The following COL9A3 variants were observed in gnomAD, a reference collection of about 807,000 sequenced individuals.
The protein encoded by COL9A3 is collagen alpha-3(IX) chain.
COL9A3 carries 82 observed loss-of-function variants against 110.2 expected under a neutral mutation model. That is an observed-to-expected ratio of 0.74 (90% CI 0.62 to 0.89). The LOEUF (loss-of-function observed/expected upper bound fraction) is 0.89. Ranked by LOEUF, COL9A3 falls within the 40% of genes least tolerant of loss-of-function variation. The pLI is 0.00. For synonymous variants in COL9A3, 494 were observed against 403.8 expected (o/e 1.22, Z -2.68); for missense variants, 1,066 against 981.3 (o/e 1.09, Z -1.15).
At chr20:62,839,313 A>G (rs2063656985) in intron 31 of COL9A3, among the ~76,000 whole-genome samples, 1 of 152,156 alleles carries the variant, frequency 6.6e-6, no homozygotes, top group African/African-American at 2.4e-5. Context: ...TGTTTAAGCT[A>G]CTCAGTATCT....
At chr20:62,839,131 A>G (rs945004625) in intron 31 of COL9A3, among the ~76,000 whole-genome samples, 3 of 152,040 alleles carry the variant, frequency 2.0e-5, no homozygotes, top group Non-Finnish European at 2.9e-5. Context: ...AGGCTGAGAC[A>G]AGAGAATCGC....
In COL9A3 at chr20:62,834,652, AT is replaced by A. The variant is rs60708328; in HGVS notation, c.1369-1260del. On this transcript the variant is annotated intron_variant, in intron 26 of 31. Transcript: ENST00000649368. ...GTTTCATTTAGTGAATTCTTTTTTT[AT>A]TTTTTTTTGAGACGGAGTCTTGCTC... is the stretch of plus-strand genomic sequence containing the variant. Among the ~76,000 whole-genome samples the A allele has an allele frequency of 3.3e-5, 5 of 150,584 alleles. 1 individual carries two copies. Among genetic ancestry groups the A allele is most frequent in the Admixed American group, 3.3e-4 (5 of 15,112 alleles).
chr20:62,821,372 C>T (rs1225244250), intron 6 of COL9A3, 135 bp from the exon 7 acceptor site: 9 of 1,373,446 alleles, frequency 6.6e-6, no homozygotes, highest in Non-Finnish European at 9.2e-6. Context: ...GTCCTGGTGC[C>T]CTCTCTGGGC....
intron 2 of COL9A3, among the ~76,000 whole-genome samples, chr20:62,818,020 G>A (rs1219781771): frequency 1.3e-5 from 2 of 152,144 alleles, no homozygotes; most frequent in East Asian, 3.9e-4. Flanking sequence ...CATGGAGGGG[G>A]CTTAGGAGCC....
chr20:62,829,902 G>A lies in COL9A3; in HGVS notation c.1161+83G>A, dbSNP rs2063582721. The A allele has an allele frequency of 2.7e-6, 4 of 1,501,074 alleles. No individual in the cohort carries two copies. In the East Asian group the frequency reaches 9.9e-5, roughly 37 times the overall value. 93.0% of individuals were successfully genotyped at this position (1,501,074 alleles called of 1,614,324 possible). ...CCCCAGTTTCTGAGCAGGCCGGGGT[G>A]GCATTTGGTTGCCTTGATGGGCCAG... On this transcript the variant is annotated intron_variant, in intron 22 of 31. Coordinates refer to ENST00000649368, the MANE Select transcript of COL9A3 (RefSeq NM_001853.4).
intron 30 of COL9A3, among the ~76,000 whole-genome samples, chr20:62,837,932 C>A (rs761195164): frequency 6.6e-6 from 1 of 152,166 alleles, no homozygotes; most frequent in African/African-American, 2.4e-5. Context: ...GCCTGGTCAA[C>A]ATGGTGAAAC....
intron 10 of COL9A3, 113 bp from the exon 11 acceptor site, chr20:62,824,332 G>T: frequency 8.8e-7 from 1 of 1,136,522 alleles, no homozygotes; most frequent in Non-Finnish European, 1.3e-6. Context: ...TGGCCTCCCG[G>T]GGTCCCGTCA....
In COL9A3 at chr20:62,829,780, G is replaced by T. The variant is rs760957763; in HGVS notation, c.1122G>T (p.Met374Ile). The T allele has an allele frequency of 3.1e-6, 5 of 1,589,280 alleles. No individual in the cohort carries two copies. Among genetic ancestry groups the T allele is most frequent in the Non-Finnish European group, 4.3e-6 (5 of 1,168,384 alleles). The part of the protein sequence containing the change: ...GEPGVPGDAG[M>I]PGERGEAGHR... ...TTTCCCTGTAGGGAGATGCTGGCATGCCTGGGGAGCGCGGTGAGGCTGGCC... is the reference window on the plus strand; with the variant it reads ...TTTCCCTGTAGGGAGATGCTGGCATTCCTGGGGAGCGCGGTGAGGCTGGCC... Residue 374 changes from methionine (M) to isoleucine (I), a missense_variant, in exon 22 of 32, where the codon ATG (methionine) becomes ATT (isoleucine). Coordinates refer to ENST00000649368, the MANE Select transcript of COL9A3 (RefSeq NM_001853.4).
chr20:62,827,712 G>A (rs1056999833), intron 16 of COL9A3, among the ~76,000 whole-genome samples: 4 of 152,222 alleles, frequency 2.6e-5, no homozygotes, highest in Admixed American at 6.5e-5. Flanking sequence ...CCTGGCAGCC[G>A]GAGTGCAGGG....
In COL9A3 at chr20:62,835,078, C is replaced by T. The variant is rs755770871; in HGVS notation, c.1369-843C>T. ...ACCTAAGGCTTTGCTCTCAGCTACTCGCACGGTCGGGCTGTGTGAGGTGAC... is the reference window on the plus strand; with the variant it reads ...ACCTAAGGCTTTGCTCTCAGCTACTTGCACGGTCGGGCTGTGTGAGGTGAC... On this transcript the variant is annotated intron_variant, in intron 26 of 31. Transcript: ENST00000649368. 2.6e-5 allele frequency among the ~76,000 whole-genome samples: 4 copies of T among 152,262 alleles called. No individual in the cohort carries two copies. The South Asian group carries it at 6.2e-4, about 24-fold the overall frequency.
chr20:62,819,358 C>A, intron 4 of COL9A3, 65 bp downstream of exon 4: 1 of 1,466,664 alleles, frequency 6.8e-7, no homozygotes, highest in Non-Finnish European at 9.4e-7. Context: ...AGGAGTCCGG[C>A]CCTAATTGCT....
intron 20 of COL9A3, 26 bp downstream of exon 20, chr20:62,829,525 C>T (rs780079165): frequency 3.1e-6 from 5 of 1,602,694 alleles, no homozygotes; most frequent in African/African-American, 2.7e-5. Flanking sequence ...CGCTTTCTCT[C>T]TGGGAGGGGA....
At position 62,826,818 on chromosome 20, in the gene COL9A3, G is replaced by A; in HGVS notation, c.790G>A (p.Ala264Thr). Residue 264 changes from alanine to threonine, a missense_variant and splice_region_variant, in exon 15 of 32, where the codon GCG becomes ACG. Transcript: ENST00000649368. ...PPGIPGAPGK[A>T]GDRGERGPEG... ...TGGGATCCCAGGAGCGCCTGGGAAA[G>A]CGGTACGTGTGTCAGTGGACGGTGG... 1 of 1,612,806 alleles carries A rather than the reference G, an allele frequency of 6.2e-7. No individual in the cohort carries two copies. The highest frequency in any genetic ancestry group is 1.1e-5 in the South Asian group (1 of 91,082).
In COL9A3 at chr20:62,820,783, G is replaced by C. The variant is rs1018132908; in HGVS notation, c.310-398G>C. ...CAGCAGGGGCCAGACAGGGCCCAGAGGGTGTGGAGGGCAGACAGGGCCTGG... is the reference window on the plus strand; with the variant it reads ...CAGCAGGGGCCAGACAGGGCCCAGACGGTGTGGAGGGCAGACAGGGCCTGG... On this transcript the variant is annotated intron_variant, in intron 5 of 31. Coordinates refer to ENST00000649368, the MANE Select transcript of COL9A3 (RefSeq NM_001853.4). Among the ~76,000 whole-genome samples, 4 of 152,158 alleles carry C rather than the reference G, an allele frequency of 2.6e-5. No individual in the cohort carries two copies. In the South Asian group the frequency reaches 8.3e-4, roughly 31 times the overall value.
rs45492192 is a variant in COL9A3, at chr20:62,824,369, C to G, written c.520-76C>G. On this transcript the variant is annotated intron_variant, in intron 10 of 31. Coordinates refer to ENST00000649368, the MANE Select transcript of COL9A3 (RefSeq NM_001853.4). The stretch of plus-strand genomic sequence containing the variant: ...CGTGCAGAGTGGCCTCCTGGGGTCC[C>G]GCGGGCGCTGACCCCTGCGTCGGAC... 6.4e-5 allele frequency: 95 copies of G among 1,475,506 alleles called. No homozygotes were observed. In the African/African-American group the frequency reaches 1.2e-3, roughly 19 times the overall value. The allele number at this position is 1,475,506 out of a possible 1,614,324, so 91.4% of individuals were successfully genotyped here.
chr20:62,825,615 G>A (rs1213800657), intron 12 of COL9A3: 7 of 634,316 alleles, frequency 1.1e-5, no homozygotes, highest in African/African-American at 1.9e-5. Context: ...CACGGACCCC[G>A]GCCCGGCAGG....
At chr20:62,820,004 A>G in intron 5 of COL9A3, 22 bp downstream of exon 5, 1 of 1,612,396 alleles carries the variant, frequency 6.2e-7, no homozygotes, top group Non-Finnish European at 8.5e-7. Flanking sequence ...CGCCGAACCC[A>G]GTGGCTTGGG....
intron 12 of COL9A3, 109 bp from the exon 13 acceptor site, chr20:62,825,708 A>C: frequency 8.9e-7 from 1 of 1,118,958 alleles, no homozygotes; most frequent in Non-Finnish European, 1.3e-6. Context: ...CCAGCTGTGA[A>C]GGGGGCAACA....
rs1009716583 is a variant in COL9A3, at chr20:62,838,743, G to A, written c.1846G>A (p.Gly616Arg). The change falls in exon 31 of 32, where the codon GGA (glycine) becomes AGA (arginine). Residue 616 changes from glycine (G) to arginine (R), a missense_variant. By Grantham distance (125) the Gly-to-Arg change is moderately radical. Coordinates refer to ENST00000649368, the MANE Select transcript of COL9A3 (RefSeq NM_001853.4). ...AGGAGCAGGGCTGGACGGGCCTGAAGGAGACCAGGGGCCCCAAGGTACGAG... is the reference window on the plus strand; with the variant it reads ...AGGAGCAGGGCTGGACGGGCCTGAAAGAGACCAGGGGCCCCAAGGTACGAG... ...AAGAGLDGPE[G>R]DQGPQGPQGV... 6 of 1,551,866 alleles carry A rather than the reference G, an allele frequency of 3.9e-6. No individual in the cohort carries two copies. The East Asian group carries it at 1.5e-4, about 38-fold the overall frequency.
Sources: allele counts gnomAD v4.1 joint callset (sites outside exome capture counted in the v4.1 genomes callset), GRCh38; gene constraint gnomAD v4.1.1; transcripts MANE v1.5; gene names NCBI Gene and HGNC (gene_info 2026-07-23, HGNC 2026-07-21).